The following KRABD3 variants were observed in gnomAD, a reference collection of about 807,000 sequenced individuals.
The protein encoded by KRABD3 is KRAB domain-containing protein 3.
the KRABD3 span, chr7:149,733,623 G>A: frequency 1.3e-6 from 2 of 1,592,740 alleles, no homozygotes; most frequent in African/African-American, 1.3e-5. Context: ...ATCCTGCGTG[G>A]CCAGGGAGAG....
At chr7:149,722,250 A>C in the KRABD3 span, 1 of 360,022 alleles carries the variant, frequency 2.8e-6, no homozygotes, top group Non-Finnish European at 3.9e-6. Flanking sequence ...GTGAACCAAC[A>C]GTCTTGCTGT....
the KRABD3 span, among the ~76,000 whole-genome samples, chr7:149,732,767 G>A: frequency 4.6e-5 from 7 of 152,194 alleles, no homozygotes; most frequent in South Asian, 2.1e-4. This position sits in a 1 kb window ranked among gnomAD's most constrained non-coding sequence, Gnocchi z 4.0. Flanking sequence ...CAAAAAATGC[G>A]CAGAAGGCCC....
chr7:149,725,940 G>T, the KRABD3 span: 2 of 1,600,096 alleles, frequency 1.2e-6, no homozygotes, highest in Non-Finnish European at 1.7e-6. Flanking sequence ...TGTGAGAGAT[G>T]GCCCCAGCAG....
chr7:149,719,468 G>T, the KRABD3 span: 1 of 1,463,382 alleles, frequency 6.8e-7, no homozygotes, highest in Non-Finnish European at 9.1e-7. This position sits in a 1 kb window ranked among gnomAD's most constrained non-coding sequence, Gnocchi z 5.6. Flanking sequence ...GGCCTAGGTG[G>T]GGTTACCAAG....
At chr7:149,733,415 C>T in the KRABD3 span, 1 of 1,599,296 alleles carries the variant, frequency 6.3e-7, no homozygotes, top group Non-Finnish European at 8.5e-7. Flanking sequence ...CGCCACAGCG[C>T]TGGCAGGCCT....
the KRABD3 span, among the ~76,000 whole-genome samples, chr7:149,732,411 G>C: frequency 3.3e-5 from 5 of 152,108 alleles, no homozygotes; most frequent in Non-Finnish European, 7.4e-5. This position sits in a 1 kb window ranked among gnomAD's most constrained non-coding sequence, Gnocchi z 4.0. Flanking sequence ...CTTTTTCCTC[G>C]GTTTAAAGCC....
At chr7:149,732,600 A>C in the KRABD3 span, among the ~76,000 whole-genome samples, 1 of 150,892 alleles carries the variant, frequency 6.6e-6, no homozygotes, top group Non-Finnish European at 1.5e-5. The surrounding 1 kb of genome is among the most constrained non-coding windows in gnomAD (Gnocchi z 4.0). Context: ...AGGGCGAAGG[A>C]TTAGGTGATC....
chr7:149,729,300 C>T, the KRABD3 span: 457 of 1,600,642 alleles, frequency 2.9e-4, 2 homozygotes, highest in East Asian at 1.4e-4. Flanking sequence ...GCTGCGTCCC[C>T]GCCTGCCACC....
At chr7:149,724,777 C>G in the KRABD3 span, 1 of 1,584,222 alleles carries the variant, frequency 6.3e-7, no homozygotes, top group Non-Finnish European at 8.6e-7. Flanking sequence ...GCCTGGCAGG[C>G]AGCCCCTCAG....
At chr7:149,725,625 A>G in the KRABD3 span, 4 of 962,724 alleles carry the variant, frequency 4.2e-6, no homozygotes. Context: ...TTTCATACTC[A>G]CTCCCAAACA....
chr7:149,726,932 C>T, the KRABD3 span, among the ~76,000 whole-genome samples: 1 of 152,066 alleles, frequency 6.6e-6, no homozygotes, highest in Non-Finnish European at 1.5e-5. Flanking sequence ...TAAAAATTTC[C>T]TTTTTGCATT....
At chr7:149,722,813 G>T in the KRABD3 span, 1 of 1,610,254 alleles carries the variant, frequency 6.2e-7, no homozygotes, top group Non-Finnish European at 8.5e-7. Flanking sequence ...CCCTTGCAAG[G>T]CCTCATCAAC....
chr7:149,721,130 C>T, the KRABD3 span: 2 of 1,221,126 alleles, frequency 1.6e-6, no homozygotes, highest in Non-Finnish European at 2.2e-6. Context: ...CGTGGCTAGG[C>T]CGTGTGCCGC....
the KRABD3 span, chr7:149,722,493 A>G: frequency 1.1e-6 from 1 of 935,744 alleles, no homozygotes. Context: ...CAGCCCTCCC[A>G]CCCATAGCCC....
chr7:149,724,641 T>G, the KRABD3 span: 8 of 1,506,550 alleles, frequency 5.3e-6, no homozygotes, highest in Non-Finnish European at 6.2e-6. Context: ...CCCAATGGCC[T>G]CCTCCCGCAG....
the KRABD3 span, chr7:149,720,921 G>A: frequency 1.2e-6 from 2 of 1,613,602 alleles, no homozygotes; most frequent in East Asian, 4.5e-5. Flanking sequence ...AGAAGTCAAG[G>A]GCGCTATGGA....
chr7:149,720,084 C>T, the KRABD3 span: 134 of 1,552,874 alleles, frequency 8.6e-5, 1 homozygote, highest in South Asian at 9.8e-4. Context: ...GAGGGAGCCA[C>T]GCTGATGAGG....
chr7:149,733,736 TGCAGCTCTTCCCA>T, the KRABD3 span: 2 of 1,584,012 alleles, frequency 1.3e-6, no homozygotes, highest in Non-Finnish European at 1.7e-6. Flanking sequence ...TGGGCTCCAC[TGCAGCTCTTCCCA>T]GCAGCTGCTG....
the KRABD3 span, chr7:149,729,538 TA>T: frequency 1.0e-6 from 1 of 985,312 alleles, no homozygotes; most frequent in Non-Finnish European, 1.2e-6. Context: ...AACAAGAAGA[TA>T]AAGTGTCACA....
Sources: gnomAD v4.1 joint callset for allele counts (sites outside exome capture counted in the v4.1 genomes callset) on GRCh38, gnomAD v4.1.1 for gene constraint, Gnocchi (gnomAD v3.1) non-coding constraint, MANE v1.5 for transcripts, NCBI Gene and HGNC (gene_info 2026-07-23, HGNC 2026-07-21) for gene names.